The following RSRC1 variants were observed in gnomAD, a reference collection of about 807,000 sequenced individuals.
RSRC1 encodes serine/Arginine-related protein 53.
In RSRC1, 39 loss-of-function variants were observed where a neutral mutation model predicts 49.1. The ratio of observed to expected loss-of-function variants is 0.79; its 90% confidence interval spans 0.61 to 1.04. The LOEUF (loss-of-function observed/expected upper bound fraction) is 1.04, where lower values mean the gene tolerates loss of function less well. Among genes scored for constraint, RSRC1 ranks in the 50% least tolerant of loss-of-function variants. The pLI is 0.00. For missense variants in RSRC1, 388 were observed against 402.4 expected, an observed-to-expected ratio of 0.96 and a Z score of 0.31; for synonymous variants, 143 against 130.8, an observed-to-expected ratio of 1.09 and a Z score of -0.63.
At chr3:158,145,031 G>A (rs1716995927) in intron 3 of RSRC1, among the ~76,000 whole-genome samples, 1 of 151,958 alleles carries the variant, frequency 6.6e-6, no homozygotes. Flanking sequence ...CTGGATATTA[G>A]CCCTTTGTCA....
intron 6 of RSRC1, among the ~76,000 whole-genome samples, chr3:158,428,091 C>T (rs534318599): frequency 6.6e-6 from 1 of 151,810 alleles, no homozygotes; most frequent in Admixed American, 6.6e-5. Flanking sequence ...TTAAGTCTTA[C>T]TTCCACCCCC....
At chr3:158,147,058 C>A (rs1003764309) in intron 3 of RSRC1, among the ~76,000 whole-genome samples, 28 of 148,782 alleles carry the variant, frequency 1.9e-4, no homozygotes, top group Non-Finnish European at 2.2e-4. Context: ...GCTGCCTCCC[C>A]CTCCCTCTCC....
intron 4 of RSRC1, among the ~76,000 whole-genome samples, chr3:158,260,791 G>C (rs186620564): frequency 4.6e-5 from 7 of 152,262 alleles, no homozygotes; most frequent in East Asian, 1.9e-4. Flanking sequence ...AATGTTCTCT[G>C]TCTGGGCCCT....
At chr3:158,341,510 A>C (rs1055560063) in intron 5 of RSRC1, among the ~76,000 whole-genome samples, 5 of 152,204 alleles carry the variant, frequency 3.3e-5, no homozygotes, top group African/African-American at 1.2e-4. Flanking sequence ...GCAGGTGCAC[A>C]GAAGTCATGA....
chr3:158,474,525 A>C (rs1256612592), intron 7 of RSRC1, among the ~76,000 whole-genome samples: 4 of 152,168 alleles, frequency 2.6e-5, no homozygotes. Flanking sequence ...GACAACAATG[A>C]AGTTTGCTGC....
At chr3:158,197,038 C>A (rs951724812) in intron 3 of RSRC1, among the ~76,000 whole-genome samples, 1 of 152,170 alleles carries the variant, frequency 6.6e-6, no homozygotes, top group African/African-American at 2.4e-5. Flanking sequence ...GGATGATTCC[C>A]TCTTTTTCTA....
At chr3:158,341,812 G>T (rs753201490) in intron 5 of RSRC1, among the ~76,000 whole-genome samples, 4 of 152,186 alleles carry the variant, frequency 2.6e-5, no homozygotes, top group Non-Finnish European at 4.4e-5. Flanking sequence ...CATGAAAGCA[G>T]CCGGGAGGGA....
chr3:158,326,466 T>C (rs1729149645), intron 5 of RSRC1, among the ~76,000 whole-genome samples: 1 of 152,196 alleles, frequency 6.6e-6, no homozygotes, highest in African/African-American at 2.4e-5. Flanking sequence ...TTGAAGGCCT[T>C]TTCTGCATCT....
chr3:158,242,213 C>G (rs563895262), intron 4 of RSRC1, among the ~76,000 whole-genome samples: 65 of 152,092 alleles, frequency 4.3e-4, no homozygotes, highest in Non-Finnish European at 9.1e-4. Context: ...ACCTCCCATC[C>G]TCTACCAGGC....
Position 158,131,052 on chromosome 3 carries a change from T to C in RSRC1, c.320+7061T>C, listed in dbSNP as rs1205331328. ...AGAAAAGTGATGAACGTGGGCAAAC[T>C]TGCCTTTTTTCCTATCTTAGGAGGA... is the stretch of plus-strand genomic sequence containing the variant. On this transcript the variant is annotated intron_variant, in intron 3 of 9. Coordinates refer to ENST00000611884, the MANE Select transcript of RSRC1 (RefSeq NM_001271838.2). Among the ~76,000 whole-genome samples the C allele has an allele frequency of 2.6e-5, 4 of 152,112 alleles. No homozygotes were observed. In the East Asian group the frequency reaches 7.7e-4, roughly 29 times the overall value.
At chr3:158,197,481 A>AT (rs1720708265) in intron 3 of RSRC1, among the ~76,000 whole-genome samples, 1 of 151,342 alleles carries the variant, frequency 6.6e-6, no homozygotes, top group African/African-American at 2.4e-5. Flanking sequence ...TTTTGAAGGG[A>AT]TTTTTTGTCT....
rs1723507623 is a variant in RSRC1 at position 158,240,454 on chromosome 3, C to A, written c.494+37209C>A. On this transcript the variant is annotated intron_variant, in intron 4 of 9. Coordinates refer to ENST00000611884, the MANE Select transcript of RSRC1 (RefSeq NM_001271838.2). ...TATTAATAGATTTTCTGTTATTAAT[C>A]TGTCCTGACATTATTGAGATAAACC... Among the ~76,000 whole-genome samples the A allele has an allele frequency of 2.0e-5, 3 of 152,068 alleles. No homozygotes were observed. In the South Asian group the frequency reaches 6.2e-4, roughly 31 times the overall value.
chr3:158,128,273 T>G (rs748564536), intron 3 of RSRC1, among the ~76,000 whole-genome samples: 2 of 152,186 alleles, frequency 1.3e-5, no homozygotes, highest in Non-Finnish European at 2.9e-5. Context: ...TGAATGGAGA[T>G]TTGCTGGCCT....
At chr3:158,121,308 A>G (rs187992866) in intron 1 of RSRC1, among the ~76,000 whole-genome samples, 4 of 152,200 alleles carry the variant, frequency 2.6e-5, no homozygotes, top group African/African-American at 9.6e-5. Context: ...ATATAAATAT[A>G]TATGTTTGTG....
intron 5 of RSRC1, among the ~76,000 whole-genome samples, chr3:158,303,772 A>G (rs1727700224): frequency 6.6e-6 from 1 of 152,192 alleles, no homozygotes; most frequent in African/African-American, 2.4e-5. Flanking sequence ...GAGATACTCC[A>G]AAAAGTTTAC....
chr3:158,200,325 A>G (rs900563138), intron 3 of RSRC1, among the ~76,000 whole-genome samples: 1 of 152,190 alleles, frequency 6.6e-6, no homozygotes, highest in Non-Finnish European at 1.5e-5. Context: ...GGCGTGAGCT[A>G]CCACGCCCGG....
intron 6 of RSRC1, among the ~76,000 whole-genome samples, chr3:158,364,524 C>A (rs143319766): frequency 5.3e-5 from 8 of 152,060 alleles, no homozygotes; most frequent in African/African-American, 1.9e-4. Flanking sequence ...TTTTTATTTA[C>A]TGTCCTGTAG....
intron 7 of RSRC1, among the ~76,000 whole-genome samples, chr3:158,466,928 G>A (rs1737917801): frequency 1.3e-5 from 2 of 152,030 alleles, no homozygotes; most frequent in African/African-American, 4.8e-5. Context: ...GCATGGTAGT[G>A]GCCATCTGTA....
chr3:158,195,936 C>T (rs1020745803), intron 3 of RSRC1, among the ~76,000 whole-genome samples: 2 of 151,922 alleles, frequency 1.3e-5, no homozygotes, highest in Admixed American at 6.6e-5. Flanking sequence ...TAGCGTGATG[C>T]CTCCAGCTTT....
Sources: gnomAD v4.1 joint callset for allele counts (sites outside exome capture counted in the v4.1 genomes callset) on GRCh38, gnomAD v4.1.1 for gene constraint, MANE v1.5 for transcripts, NCBI Gene and HGNC (gene_info 2026-07-23, HGNC 2026-07-21) for gene names.